Variants in EYA4 observed in about 807,000 individuals in gnomAD.
EYA4 encodes protein phosphatase EYA4.
EYA4 carries 31 observed loss-of-function variants against 87.9 expected under a neutral mutation model. That is an observed-to-expected ratio of 0.35 (90% CI 0.27 to 0.48). The LOEUF (loss-of-function observed/expected upper bound fraction) is 0.48, where lower values mean the gene tolerates loss of function less well. Ranked by LOEUF, EYA4 falls within the 20% of genes least tolerant of loss-of-function variation. The pLI is 0.99. For missense variants in EYA4, 678 were observed against 761.4 expected (o/e 0.89, Z 1.29); for synonymous variants, 263 against 270.6 (o/e 0.97, Z 0.28).
intron 2 of EYA4, among the ~76,000 whole-genome samples, chr6:133,332,787 C>A (rs1184594311): frequency 7.0e-6 from 1 of 143,346 alleles, no homozygotes; most frequent in East Asian, 2.1e-4. Context: ...TGGTCTCAAT[C>A]TCCTGACCTC....
intron 10 of EYA4, among the ~76,000 whole-genome samples, chr6:133,467,834 T>C (rs1298172325): frequency 6.6e-6 from 1 of 151,932 alleles, no homozygotes; most frequent in Non-Finnish European, 1.5e-5. Context: ...CTCATCATCC[T>C]ACTGTGTAAA....
chr6:133,438,247 G>T (rs1791893798), intron 3 of EYA4, among the ~76,000 whole-genome samples: 1 of 151,978 alleles, frequency 6.6e-6, no homozygotes, highest in East Asian at 1.9e-4. Context: ...CTAGATAATT[G>T]CATTTCGGTT....
At chr6:133,371,386 G>C (rs181108314) in intron 2 of EYA4, among the ~76,000 whole-genome samples, 1 of 152,008 alleles carries the variant, frequency 6.6e-6, no homozygotes, top group Admixed American at 6.6e-5. Context: ...TGAGTTGTAG[G>C]TACTATTTTC....
chr6:133,490,894 A>G (rs1276733788), intron 13 of EYA4, among the ~76,000 whole-genome samples: 1 of 152,118 alleles, frequency 6.6e-6, no homozygotes, highest in Non-Finnish European at 1.5e-5. Context: ...TAATACAACA[A>G]CTGCAGAATA....
intron 11 of EYA4, among the ~76,000 whole-genome samples, chr6:133,475,860 G>A (rs1310635994): frequency 6.6e-6 from 1 of 152,136 alleles, no homozygotes; most frequent in Non-Finnish European, 1.5e-5. Flanking sequence ...ATAGAGGTCA[G>A]TACAATTCCA....
intron 11 of EYA4, among the ~76,000 whole-genome samples, chr6:133,479,450 T>G (rs1796020185): frequency 6.6e-6 from 1 of 152,206 alleles, no homozygotes; most frequent in Admixed American, 6.5e-5. Flanking sequence ...TGCACAGTGT[T>G]TCCCAAAGAA....
intron 11 of EYA4, among the ~76,000 whole-genome samples, chr6:133,479,979 A>G (rs1796066923): frequency 6.6e-6 from 1 of 152,208 alleles, no homozygotes; most frequent in Non-Finnish European, 1.5e-5. Flanking sequence ...AGTCAATTGG[A>G]TTCTGAAACT....
chr6:133,373,506 G>A (rs919892477), intron 2 of EYA4, among the ~76,000 whole-genome samples: 8 of 151,928 alleles, frequency 5.3e-5, no homozygotes, highest in Non-Finnish European at 1.5e-5. Context: ...AATACTGCTG[G>A]AATTCTTCTT....
intron 2 of EYA4, among the ~76,000 whole-genome samples, chr6:133,307,647 A>G (rs1779908065): frequency 6.6e-6 from 1 of 152,198 alleles, no homozygotes; most frequent in African/African-American, 2.4e-5. Context: ...TAATGACAAT[A>G]GTACAAGTAG....
intron 2 of EYA4, among the ~76,000 whole-genome samples, chr6:133,333,155 T>TATTG (rs1782110551): frequency 6.6e-6 from 1 of 152,260 alleles, no homozygotes; most frequent in East Asian, 1.9e-4. Context: ...CCTCTGTGAT[T>TATTG]ATTGATTTAT....
intron 1 of EYA4, among the ~76,000 whole-genome samples, chr6:133,255,789 A>G (rs1775290762): frequency 6.6e-6 from 1 of 152,008 alleles, no homozygotes; most frequent in Non-Finnish European, 1.5e-5. Flanking sequence ...GTATGCAGAT[A>G]TTTCATAATT....
chr6:133,296,107 A>C (rs1778925233), intron 2 of EYA4, among the ~76,000 whole-genome samples: 1 of 152,190 alleles, frequency 6.6e-6, no homozygotes, highest in African/African-American at 2.4e-5. Flanking sequence ...GAGTGAGCTT[A>C]TGGGAATACA....
At chr6:133,264,706 T>C (rs961419499) in intron 1 of EYA4, among the ~76,000 whole-genome samples, 8 of 152,202 alleles carry the variant, frequency 5.3e-5, no homozygotes, top group African/African-American at 1.9e-4. Context: ...AGCGTTTCCA[T>C]GTGCAGCGTC....
At chr6:133,430,328 G>A (rs1313046739) in intron 3 of EYA4, among the ~76,000 whole-genome samples, 4 of 152,112 alleles carry the variant, frequency 2.6e-5, no homozygotes, top group Non-Finnish European at 5.9e-5. Flanking sequence ...AATACATTTG[G>A]GGGAAACAGA....
intron 3 of EYA4, among the ~76,000 whole-genome samples, chr6:133,426,918 T>C (rs1243871659): frequency 2.0e-5 from 3 of 152,232 alleles, no homozygotes; most frequent in African/African-American, 7.2e-5. Context: ...AGCAATTTGC[T>C]ATTCAAAGCG....
rs201455098 is a variant in EYA4, at chr6:133,515,630, T to A, written c.1616+195T>A. ...GAGAGAGTGTGTGTGTGAGTGTGTG[T>A]GTGTGTGTGTGTGTGTGTGTGTGTG... On this transcript the variant is annotated intron_variant, in intron 17 of 19. Transcript: ENST00000355286. Among the ~76,000 whole-genome samples, 7 of 102,700 alleles carry A rather than the reference T, an allele frequency of 6.8e-5. No individual in the cohort carries two copies. The East Asian group carries it at 1.5e-3, about 22-fold the overall frequency. 67.4% of individuals were successfully genotyped at this position (102,700 alleles called of 152,430 possible).
intron 3 of EYA4, among the ~76,000 whole-genome samples, chr6:133,395,792 T>A (rs1787737515): frequency 6.6e-6 from 1 of 152,094 alleles, no homozygotes; most frequent in Non-Finnish European, 1.5e-5. Flanking sequence ...ACCCTCTAAG[T>A]TTGCTCTAAC....
chr6:133,378,161 G>A (rs1785866906), intron 2 of EYA4, among the ~76,000 whole-genome samples: 1 of 152,124 alleles, frequency 6.6e-6, no homozygotes, highest in South Asian at 2.1e-4. Flanking sequence ...TAAAAAGAAA[G>A]GAAAGTAAAC....
intron 1 of EYA4, among the ~76,000 whole-genome samples, chr6:133,245,804 C>T (rs1774360315): frequency 6.6e-6 from 1 of 152,164 alleles, no homozygotes; most frequent in Non-Finnish European, 1.5e-5. Context: ...AAAAGAAGTA[C>T]AAGCAACTTT....
Sources: gnomAD v4.1 joint callset for allele counts (sites outside exome capture counted in the v4.1 genomes callset) on GRCh38, gnomAD v4.1.1 for gene constraint, MANE v1.5 for transcripts, NCBI Gene and HGNC (gene_info 2026-07-23, HGNC 2026-07-21) for gene names.